The following SSR2 variants were observed in gnomAD, a reference collection of about 807,000 sequenced individuals.
SSR2 encodes translocon-associated protein subunit beta.
Under a neutral mutation model 22.6 loss-of-function variants are expected in SSR2, and 16 were observed. That is an observed-to-expected ratio of 0.71 (90% CI 0.48 to 1.08). The LOEUF is 1.08. SSR2 is among the 50% of genes least tolerant of loss of function. SSR2 has a pLI of 0.00. For synonymous variants in SSR2, 83 were observed against 91.2 expected, an observed-to-expected ratio of 0.91 and a Z score of 0.51; for missense variants, 171 against 221.6, an observed-to-expected ratio of 0.77 and a Z score of 1.45.
Position 156,009,667 on chromosome 1 carries a change from A to T in SSR2, c.442-17T>A, listed in dbSNP as rs117339711. 787 of 1,578,120 alleles carry T rather than the reference A, an allele frequency of 5.0e-4. 14 individuals are homozygous for T. The East Asian group carries it at 0.018, about 35-fold the overall frequency. On this transcript the variant is annotated splice_polypyrimidine_tract_variant and intron_variant, in intron 5 of 5. Transcript: ENST00000295702. ...CCAGTCCAGCTGTAAAGGAAAACAA[A>T]GACCTTGCTTAGAAGTCTGGATTAG...
chr1:156,016,673 G>A (rs1035032734), intron 3 of SSR2, among the ~76,000 whole-genome samples: 3 of 152,090 alleles, frequency 2.0e-5, no homozygotes, highest in Non-Finnish European at 2.9e-5. Flanking sequence ...AATTATTATT[G>A]ATATGATTTG....
Position 156,020,946 on chromosome 1 carries a change from C to G in SSR2, c.-59G>C. ...AAGACAGGAAGAGAGCGTCAGCATC[C>G]GAAAGACCGGAAATAAGCACTGGCC... On this transcript the variant is annotated 5_prime_UTR_variant, in exon 1 of 6. Coordinates refer to ENST00000295702, the MANE Select transcript of SSR2 (RefSeq NM_003145.4). 1 of 471,328 alleles carries G rather than the reference C, an allele frequency of 2.1e-6. No individual in the cohort carries two copies. Among genetic ancestry groups the G allele is most frequent in the Non-Finnish European group, 4.4e-6 (1 of 227,038 alleles). 29.2% of individuals were successfully genotyped at this position (471,328 alleles called of 1,614,324 possible).
intron 4 of SSR2, 194 bp downstream of exon 4, chr1:156,014,767 C>A (rs892985504): frequency 8.3e-6 from 4 of 480,368 alleles, no homozygotes; most frequent in Non-Finnish European, 1.5e-5. Flanking sequence ...GTCTTGAACT[C>A]CTGACCTTAG....
intron 3 of SSR2, among the ~76,000 whole-genome samples, chr1:156,015,698 G>A (rs914249816): frequency 2.0e-5 from 3 of 149,844 alleles, no homozygotes; most frequent in Admixed American, 2.0e-4. Context: ...AAAGTCCTGG[G>A]ATTACAGGCA....
chr1:156,013,515 T>A (rs1164764721), intron 4 of SSR2: 4 of 153,368 alleles, frequency 2.6e-5, no homozygotes, highest in African/African-American at 9.7e-5. Context: ...CAAGGAGACA[T>A]AGCTCAAAGC....
chr1:156,009,770 C>T (rs1558075924), intron 5 of SSR2, 120 bp from the exon 6 acceptor site: 5 of 649,338 alleles, frequency 7.7e-6, no homozygotes, highest in Non-Finnish European at 7.7e-6. Flanking sequence ...ATTTTTGATA[C>T]AAAGTCTTAG....
At chr1:156,010,660 T>C (rs1682966384) in intron 5 of SSR2, 1 of 152,292 alleles carries the variant, frequency 6.6e-6, no homozygotes, top group African/African-American at 2.4e-5. Context: ...GAGAAGCTTC[T>C]GTTCCAGACA....
At chr1:156,015,412 C>T (rs1185170372) in intron 3 of SSR2, among the ~76,000 whole-genome samples, 1 of 143,004 alleles carries the variant, frequency 7.0e-6, no homozygotes, top group Non-Finnish European at 1.5e-5. Context: ...GAGGCTGAGG[C>T]AGGAGAACTG....
chr1:156,009,591 C>T lies in SSR2; in HGVS notation c.501G>A (p.Leu167=). 6.2e-7 allele frequency: 1 copy of T among 1,613,220 alleles called. No individual in the cohort carries two copies. The highest frequency in any genetic ancestry group is 8.5e-7 in the Non-Finnish European group (1 of 1,179,674). Residue 167 remains leucine (L), a synonymous_variant, in exon 6 of 6, where the codon TTG becomes TTA. Coordinates refer to ENST00000295702, the MANE Select transcript of SSR2 (RefSeq NM_003145.4). Reference sequence around the variant, plus strand: ...CATATTTCCTCTTGCTGGAGTACCACAATAGCAGGGGGATGCCGATGGAGG... The same window carrying T: ...CATATTTCCTCTTGCTGGAGTACCATAATAGCAGGGGGATGCCGATGGAGG... The part of the protein sequence containing the change: ...TLPSIGIPLL[L]WYSSKRKYDT...
intron 2 of SSR2, chr1:156,019,275 G>T (rs1360438596): frequency 4.4e-6 from 2 of 451,458 alleles, no homozygotes. Flanking sequence ...GCCTATGTGT[G>T]TGGAGGGAGG....
At chr1:156,018,702 G>A (rs1683099756) in intron 2 of SSR2, among the ~76,000 whole-genome samples, 1 of 151,228 alleles carries the variant, frequency 6.6e-6, no homozygotes, top group Admixed American at 6.6e-5. Flanking sequence ...GCGAGACTCT[G>A]TCTCAAACAA....
chr1:156,009,423 C>T lies in SSR2; in HGVS notation c.*117G>A. 1 of 826,456 alleles carries T rather than the reference C, an allele frequency of 1.2e-6. No homozygotes were observed. The highest frequency in any genetic ancestry group is 2.0e-6 in the Non-Finnish European group (1 of 498,366). 51.2% of individuals were successfully genotyped at this position (826,456 alleles called of 1,614,324 possible). A position where few individuals can be genotyped will look rare whatever the true frequency, so the allele number is the denominator to read the frequency against. ...AGGGCAGGATCCAGGAGAAAGTGGC[C>T]AAGGGCTAAGAGAGAAGAGATTGCA... On this transcript the variant is annotated 3_prime_UTR_variant, in exon 6 of 6. Transcript: ENST00000295702.
At chr1:156,011,530 T>G (rs867758764) in intron 5 of SSR2, 90 of 228,530 alleles carry the variant, frequency 3.9e-4, no homozygotes, top group Middle Eastern at 1.6e-3. Flanking sequence ...TTTTTTTTTT[T>G]TAAACCTCAA....
chr1:156,017,437 C>A (rs1396296688), intron 3 of SSR2, among the ~76,000 whole-genome samples: 3 of 152,134 alleles, frequency 2.0e-5, no homozygotes, highest in Admixed American at 6.6e-5. Context: ...GCAACCTGCA[C>A]CTCCCGGGTT....
chr1:156,009,250 G>A lies in SSR2; in HGVS notation c.*290C>T. On this transcript the variant is annotated 3_prime_UTR_variant, in exon 6 of 6. Transcript: ENST00000295702. ...ACCCCTGAGAGAATTCACGTTGCCA[G>A]CAATAAACCAACAGCACCTCAGTGG... 1 of 319,950 alleles carries A rather than the reference G, an allele frequency of 3.1e-6. No individual in the cohort carries two copies. Among genetic ancestry groups the A allele is most frequent in the Non-Finnish European group, 5.8e-6 (1 of 173,912 alleles). 19.8% of individuals were successfully genotyped at this position (319,950 alleles called of 1,614,324 possible).
Position 156,009,652 on chromosome 1 carries a change from T to C in SSR2, c.442-2A>G. 1.3e-6 allele frequency: 2 copies of C among 1,596,696 alleles called. No individual in the cohort carries two copies. The highest frequency in any genetic ancestry group is 1.7e-6 in the Non-Finnish European group (2 of 1,173,342). ...GACCCCAAAGGCTGCCCAGTCCAGC[T>C]GTAAAGGAAAACAAAGACCTTGCTT... On this transcript the variant is annotated splice_acceptor_variant, in intron 5 of 5. Coordinates refer to ENST00000295702, the MANE Select transcript of SSR2 (RefSeq NM_003145.4). LOFTEE classifies it high-confidence loss of function.
At chr1:156,012,660 C>G in intron 4 of SSR2, 2 of 448,006 alleles carry the variant, frequency 4.5e-6, no homozygotes, top group Non-Finnish European at 9.0e-6. Flanking sequence ...GCAGAAGGTG[C>G]AATGAATGTT....
chr1:156,009,427 G>A lies in SSR2; in HGVS notation c.*113C>T. On this transcript the variant is annotated 3_prime_UTR_variant, in exon 6 of 6. Coordinates refer to ENST00000295702, the MANE Select transcript of SSR2 (RefSeq NM_003145.4). ...CAGGATCCAGGAGAAAGTGGCCAAG[G>A]GCTAAGAGAGAAGAGATTGCATTTA... 1.2e-6 allele frequency: 1 copy of A among 856,028 alleles called. No homozygotes were observed. Among genetic ancestry groups the A allele is most frequent in the Non-Finnish European group, 1.9e-6 (1 of 516,594 alleles). The allele number at this position is 856,028 out of a possible 1,614,324, so 53.0% of individuals were successfully genotyped here. A position where few individuals can be genotyped will look rare whatever the true frequency, so the allele number is the denominator to read the frequency against.
rs1200570300 is a variant in SSR2, at chr1:156,020,057, T to C, written c.111A>G (p.Gly37=). The change falls in exon 2 of 6, where the codon GGA becomes GGG. Residue 37 remains glycine, a synonymous_variant. Transcript: ENST00000295702. ...TGTTGTACTGCAAGGTCAGGTCTCG[T>C]CCCTCCACGGCGTATCTGTTCAGCA... ...KSLLNRYAVE[G]RDLTLQYNIY... 2 of 1,613,874 alleles carry C rather than the reference T, an allele frequency of 1.2e-6. No homozygotes were observed. The highest frequency in any genetic ancestry group is 1.7e-6 in the Non-Finnish European group (2 of 1,179,992).
Sources: gnomAD v4.1 joint callset for allele counts (sites outside exome capture counted in the v4.1 genomes callset) on GRCh38, gnomAD v4.1.1 for gene constraint, MANE v1.5 for transcripts, NCBI Gene and HGNC (gene_info 2026-07-23, HGNC 2026-07-21) for gene names.